Variants in SYT1 observed in about 807,000 individuals in gnomAD.
The protein encoded by SYT1 is synaptotagmin-1.
SYT1 carries 8 observed loss-of-function variants against 44.8 expected under a neutral mutation model. The ratio of observed to expected loss-of-function variants is 0.18; its 90% CI spans 0.10 to 0.32. SYT1 has a LOEUF of 0.32. Among genes scored for constraint, SYT1 ranks in the 10% least tolerant of loss-of-function variants. The pLI, the probability that SYT1 is intolerant of heterozygous loss-of-function variation, is 1.00. For synonymous variants in SYT1, 154 were observed against 188.8 expected, an observed-to-expected ratio of 0.82 and a Z score of 1.51; for missense variants, 286 against 509.3, an observed-to-expected ratio of 0.56 and a Z score of 4.22.
intron 1 of SYT1, chr12:78,960,522 G>C (rs752428195): frequency 6.6e-5 from 10 of 152,150 alleles, no homozygotes; most frequent in Admixed American, 2.6e-4. Flanking sequence ...GAAACCATTT[G>C]GTGAGCTAAA....
intron 1 of SYT1, among the ~76,000 whole-genome samples, chr12:78,972,456 T>C (rs1029162752): frequency 2.6e-5 from 4 of 151,578 alleles, no homozygotes; most frequent in Non-Finnish European, 4.4e-5. Context: ...AAAATTATGC[T>C]ATGGGAAAAA....
At chr12:78,975,110 C>G (rs1386262559) in intron 1 of SYT1, among the ~76,000 whole-genome samples, 3 of 150,800 alleles carry the variant, frequency 2.0e-5, no homozygotes, top group Non-Finnish European at 4.4e-5. Context: ...TCCCTGATCC[C>G]ACCCCACCCC....
chr12:79,246,326 T>A (rs924907593), intron 4 of SYT1, among the ~76,000 whole-genome samples: 3 of 152,226 alleles, frequency 2.0e-5, no homozygotes, highest in African/African-American at 7.2e-5. Flanking sequence ...GTGTGAATTT[T>A]ACACATTTTT....
intron 2 of SYT1, among the ~76,000 whole-genome samples, chr12:78,983,497 A>G (rs980564092): frequency 8.5e-5 from 13 of 152,068 alleles, no homozygotes; most frequent in African/African-American, 2.9e-4. Flanking sequence ...AACTTATTCC[A>G]ATTATCCTAA....
At chr12:79,428,183 T>C (rs567390880) in intron 9 of SYT1, among the ~76,000 whole-genome samples, 1 of 152,244 alleles carries the variant, frequency 6.6e-6, no homozygotes, top group Admixed American at 6.5e-5. Context: ...CAGTGCCTGG[T>C]CAAAGCCTTT....
chr12:79,299,574 T>A (rs748750289), intron 8 of SYT1, 23 bp downstream of exon 8: 1 of 1,608,956 alleles, frequency 6.2e-7, no homozygotes, highest in East Asian at 2.2e-5. Context: ...CTAGCATTTC[T>A]AACATCACAA....
chr12:79,180,206 T>TC (rs1565842947), intron 3 of SYT1, among the ~76,000 whole-genome samples: 1 of 151,706 alleles, frequency 6.6e-6, no homozygotes, highest in East Asian at 1.9e-4. Flanking sequence ...AAACCATTAT[T>TC]TCTTTGAAAA....
intron 4 of SYT1, among the ~76,000 whole-genome samples, chr12:79,249,421 T>C (rs1877062325): frequency 6.6e-6 from 1 of 152,148 alleles, no homozygotes; most frequent in Admixed American, 6.5e-5. Flanking sequence ...CCTCTTTCTA[T>C]ATCTTCCATC....
intron 3 of SYT1, among the ~76,000 whole-genome samples, chr12:79,060,675 T>G (rs571595436): frequency 6.6e-6 from 1 of 152,134 alleles, no homozygotes; most frequent in Non-Finnish European, 1.5e-5. Context: ...AATATTCCAT[T>G]GTATGTATAT....
intron 4 of SYT1, among the ~76,000 whole-genome samples, chr12:79,257,642 A>T (rs561964844): frequency 2.6e-5 from 4 of 152,054 alleles, no homozygotes; most frequent in African/African-American, 9.7e-5. Context: ...CACCCGCCAC[A>T]ACCCCCGGCT....
At chr12:79,006,489 G>A (rs1369947248) in intron 2 of SYT1, among the ~76,000 whole-genome samples, 1 of 152,084 alleles carries the variant, frequency 6.6e-6, no homozygotes, top group Non-Finnish European at 1.5e-5. Flanking sequence ...AACTGGTCAT[G>A]TTACTAAGAA....
At chr12:79,003,002 A>G (rs1514920) in intron 2 of SYT1, among the ~76,000 whole-genome samples, 11,955 of 152,094 alleles carry the variant, frequency 0.079, 631 homozygotes, top group East Asian at 0.15. Context: ...CCACTGGAGT[A>G]GAACAAAGCA....
chr12:79,339,367 T>G (rs1323160031), intron 8 of SYT1, among the ~76,000 whole-genome samples: 8 of 152,242 alleles, frequency 5.3e-5, no homozygotes, highest in South Asian at 4.1e-4. Flanking sequence ...CCATTCTAAC[T>G]GTTGTGAGAT....
intron 9 of SYT1, among the ~76,000 whole-genome samples, chr12:79,410,816 G>A (rs1266244121): frequency 6.6e-6 from 1 of 152,042 alleles, no homozygotes. Context: ...AGGCTTATTG[G>A]GGGCTGTATC....
chr12:79,004,825 T>A (rs1870970050), intron 2 of SYT1, among the ~76,000 whole-genome samples: 1 of 152,014 alleles, frequency 6.6e-6, no homozygotes, highest in South Asian at 2.1e-4. Flanking sequence ...CTTGCCCAGG[T>A]CACATGGTTA....
intron 9 of SYT1, among the ~76,000 whole-genome samples, chr12:79,361,403 C>T (rs1883310619): frequency 6.6e-6 from 1 of 152,140 alleles, no homozygotes. Context: ...AACCTGATGT[C>T]TAGGTCCTTA....
intron 4 of SYT1, among the ~76,000 whole-genome samples, chr12:79,267,457 G>A (rs185512072): frequency 1.3e-5 from 2 of 152,276 alleles, no homozygotes; most frequent in East Asian, 3.9e-4. Context: ...GAATCCAAGA[G>A]CTGCCTATTG....
chr12:78,921,488 C>G (rs528823655), intron 1 of SYT1, among the ~76,000 whole-genome samples: 1 of 151,968 alleles, frequency 6.6e-6, no homozygotes, highest in Non-Finnish European at 1.5e-5. Flanking sequence ...ATCCTTAAAC[C>G]AGATTTTTTT....
intron 4 of SYT1, among the ~76,000 whole-genome samples, chr12:79,238,551 T>C (rs1312400063): frequency 6.6e-6 from 1 of 152,180 alleles, no homozygotes; most frequent in Non-Finnish European, 1.5e-5. Flanking sequence ...GCGTGAACTG[T>C]TCTCTTCCAT....
Sources: allele counts gnomAD v4.1 joint callset (sites outside exome capture counted in the v4.1 genomes callset), GRCh38; gene constraint gnomAD v4.1.1; transcripts MANE v1.5; gene names NCBI Gene and HGNC (gene_info 2026-07-23, HGNC 2026-07-21).